TCF12: variants seen among roughly 807,000 people sequenced by gnomAD.
TCF12 encodes DNA-binding protein HTF4.
Under a neutral mutation model 86.0 loss-of-function variants are expected in TCF12, and 45 were observed. The ratio of observed to expected loss-of-function variants is 0.52; its 90% CI spans 0.41 to 0.67. TCF12 has a LOEUF of 0.67. TCF12 is among the 30% of genes least tolerant of loss of function. TCF12 has a pLI of 0.00. For synonymous variants in TCF12, 330 were observed against 299.6 expected, an observed-to-expected ratio of 1.10 and a Z score of -1.05; for missense variants, 881 against 859.9, an observed-to-expected ratio of 1.02 and a Z score of -0.31.
chr15:57,107,369 C>G (rs1295870855), intron 5 of TCF12, among the ~76,000 whole-genome samples: 1 of 152,006 alleles, frequency 6.6e-6, no homozygotes, highest in African/African-American at 2.4e-5. Flanking sequence ...ATATGACATT[C>G]TGGAAAAGGC....
chr15:57,057,904 C>A (rs2068157121), intron 3 of TCF12, among the ~76,000 whole-genome samples: 1 of 152,244 alleles, frequency 6.6e-6, no homozygotes, highest in African/African-American at 2.4e-5. Context: ...TGTAGTGCTT[C>A]TATGGAAGAA....
chr15:57,174,676 T>C (rs1189944099), intron 6 of TCF12, among the ~76,000 whole-genome samples: 1 of 152,252 alleles, frequency 6.6e-6, no homozygotes, highest in Non-Finnish European at 1.5e-5. Flanking sequence ...TACTTTTAGC[T>C]ATATCACAGG....
At chr15:57,234,229 T>G in intron 12 of TCF12, 122 bp downstream of exon 12, 2 of 764,954 alleles carry the variant, frequency 2.6e-6, no homozygotes, top group Middle Eastern at 2.7e-4. Context: ...TCATTACACA[T>G]TTAGAGTTAT....
intron 3 of TCF12, among the ~76,000 whole-genome samples, chr15:57,039,357 G>A (rs1048382932): frequency 2.6e-5 from 4 of 152,144 alleles, no homozygotes; most frequent in East Asian, 3.9e-4. Flanking sequence ...CTGAGGCTCC[G>A]TGAAATATTT....
chr15:57,068,710 T>C, intron 4 of TCF12, among the ~76,000 whole-genome samples: 1 of 152,142 alleles, frequency 6.6e-6, no homozygotes, highest in Non-Finnish European at 1.5e-5. Flanking sequence ...TCAAAGTTGA[T>C]TTAAGGTGAA....
intron 4 of TCF12, among the ~76,000 whole-genome samples, chr15:57,082,320 T>C (rs1166863540): frequency 6.6e-6 from 1 of 152,230 alleles, no homozygotes; most frequent in African/African-American, 2.4e-5. Flanking sequence ...CACACAACAC[T>C]GGCTATCAAG....
chr15:57,245,013 T>G (rs986252389), intron 13 of TCF12, among the ~76,000 whole-genome samples: 9 of 152,250 alleles, frequency 5.9e-5, no homozygotes, highest in Non-Finnish European at 1.2e-4. Context: ...TTAGATTGTT[T>G]TGAGGAAAAG....
At chr15:57,075,804 T>TCTCTCTCTCTCTCTCTCTCTCTCTC (rs1567370603) in intron 4 of TCF12, among the ~76,000 whole-genome samples, 1 of 28,602 alleles carries the variant, frequency 3.5e-5, no homozygotes, top group Non-Finnish European at 6.4e-5. Context: ...CTTTCTTTCT[T>TCTCTCTCTCTCTCTCTCTCTCTCTC]TCTCTCTCTC....
At chr15:57,264,243 C>T (rs1204635400) in intron 18 of TCF12, among the ~76,000 whole-genome samples, 1 of 88,904 alleles carries the variant, frequency 1.1e-5, no homozygotes. Flanking sequence ...CTCTCTCGCC[C>T]AGGCTGGAAT....
At chr15:56,938,141 T>C (rs115633643) in intron 3 of TCF12, among the ~76,000 whole-genome samples, 1,640 of 149,630 alleles carry the variant, frequency 0.011, 29 homozygotes, top group African/African-American at 0.038. Context: ...TGCTTTTTTT[T>C]CTTCTTTTTT....
intron 5 of TCF12, among the ~76,000 whole-genome samples, chr15:57,149,730 C>A (rs2053608014): frequency 6.6e-6 from 1 of 151,972 alleles, no homozygotes; most frequent in Non-Finnish European, 1.5e-5. Context: ...AATGTAGATC[C>A]AACTTTTCAG....
intron 8 of TCF12, among the ~76,000 whole-genome samples, chr15:57,201,688 G>A (rs2057550277): frequency 6.6e-6 from 1 of 152,170 alleles, no homozygotes; most frequent in South Asian, 2.1e-4. Flanking sequence ...AGAGATAATG[G>A]AAGGCATTTA....
At chr15:57,208,058 G>A (rs1374335970) in intron 8 of TCF12, among the ~76,000 whole-genome samples, 2 of 145,126 alleles carry the variant, frequency 1.4e-5, no homozygotes, top group Admixed American at 7.0e-5. Context: ...TTTAAAGACA[G>A]AGTATTGCTC....
intron 4 of TCF12, among the ~76,000 whole-genome samples, chr15:57,088,986 G>A (rs1422345772): frequency 6.6e-6 from 1 of 152,102 alleles, no homozygotes; most frequent in South Asian, 2.1e-4. Context: ...CTATGGGTGG[G>A]TATTACTACT....
chr15:57,277,355 G>A (rs1466638264), intron 19 of TCF12, among the ~76,000 whole-genome samples: 1 of 151,970 alleles, frequency 6.6e-6, no homozygotes, highest in Non-Finnish European at 1.5e-5. Context: ...TGGCAGCCGG[G>A]TGCAGTGGCT....
At chr15:57,233,154 A>ATG (rs1483849351) in intron 11 of TCF12, among the ~76,000 whole-genome samples, 1 of 150,558 alleles carries the variant, frequency 6.6e-6, no homozygotes, top group African/African-American at 2.4e-5. Context: ...ATGTGTATAT[A>ATG]TGTGTGTGTA....
At chr15:57,159,308 G>A (rs973497704) in intron 5 of TCF12, among the ~76,000 whole-genome samples, 7 of 152,192 alleles carry the variant, frequency 4.6e-5, no homozygotes, top group Non-Finnish European at 1.0e-4. Flanking sequence ...ATACTCTATG[G>A]CATTGCAGGT....
intron 6 of TCF12, among the ~76,000 whole-genome samples, chr15:57,176,706 T>A (rs2055936932): frequency 6.6e-6 from 1 of 152,168 alleles, no homozygotes; most frequent in African/African-American, 2.4e-5. Context: ...ATAGTTGAAG[T>A]ACTAGACCAG....
At chr15:57,140,495 G>A (rs540592396) in intron 5 of TCF12, among the ~76,000 whole-genome samples, 1 of 152,128 alleles carries the variant, frequency 6.6e-6, no homozygotes, top group Non-Finnish European at 1.5e-5. Context: ...AGTGTCAGAC[G>A]TTATGCTAAG....
Sources: allele counts gnomAD v4.1 joint callset (sites outside exome capture counted in the v4.1 genomes callset), GRCh38; gene constraint gnomAD v4.1.1; transcripts MANE v1.5; gene names NCBI Gene and HGNC (gene_info 2026-07-23, HGNC 2026-07-21).